The following SIAH2 variants were observed in gnomAD, a reference collection of about 807,000 sequenced individuals.
SIAH2 encodes E3 ubiquitin-protein ligase SIAH2.
Under a neutral mutation model 20.4 loss-of-function variants are expected in SIAH2, and 4 were observed. The observed-to-expected ratio is 0.20, with a 90% CI of 0.10 to 0.45. The LOEUF is 0.45. Ranked by LOEUF, SIAH2 falls within the 20% of genes least tolerant of loss-of-function variation. SIAH2 has a pLI of 0.99. For missense variants in SIAH2, 259 were observed against 440.3 expected (o/e 0.59, Z 3.69); for synonymous variants, 171 against 192.5 (o/e 0.89, Z 0.93).
In SIAH2 at chr3:150,747,554, A is replaced by C. The variant is rs138316583; in HGVS notation, c.418-4856T>G. Among the ~76,000 whole-genome samples the C allele has an allele frequency of 1.2e-3, 176 of 152,298 alleles. 1 individual carries two copies. The highest frequency in any genetic ancestry group is 4.0e-3 in the African/African-American group (167 of 41,544). On this transcript the variant is annotated intron_variant, in intron 1 of 1. Coordinates refer to ENST00000312960, the MANE Select transcript of SIAH2 (RefSeq NM_005067.7). ...CTATAAATGAGATTTCTCCTTAGGG[A>C]AATATCTGCTCATTTCCCCAGGGGG... is the stretch of plus-strand genomic sequence containing the variant.
At chr3:150,759,181 G>T (rs1386281780) in intron 1 of SIAH2, among the ~76,000 whole-genome samples, 1 of 152,140 alleles carries the variant, frequency 6.6e-6, no homozygotes, top group African/African-American at 2.4e-5. Context: ...CACACCCAAA[G>T]ATCTGAGCTA....
chr3:150,756,805 A>G (rs1714494864), intron 1 of SIAH2, among the ~76,000 whole-genome samples: 1 of 152,168 alleles, frequency 6.6e-6, no homozygotes, highest in African/African-American at 2.4e-5. Context: ...TGAGCCCCGG[A>G]GTTAATGTAT....
chr3:150,745,248 C>T (rs1417675844), intron 1 of SIAH2, among the ~76,000 whole-genome samples: 38 of 146,492 alleles, frequency 2.6e-4, no homozygotes, highest in African/African-American at 9.8e-4. Flanking sequence ...CCTACACACA[C>T]ACACACACAC....
chr3:150,751,901 C>G (rs1319925684), intron 1 of SIAH2, among the ~76,000 whole-genome samples: 2 of 152,122 alleles, frequency 1.3e-5, no homozygotes, highest in East Asian at 3.9e-4. Context: ...ACCCTGCTAT[C>G]AAGGGAGGGT....
intron 1 of SIAH2, among the ~76,000 whole-genome samples, chr3:150,756,024 A>G (rs541929341): frequency 7.9e-5 from 12 of 152,334 alleles, no homozygotes; most frequent in Non-Finnish European, 1.8e-4. Context: ...TATTCCATAG[A>G]TGCTACACAG....
intron 1 of SIAH2, among the ~76,000 whole-genome samples, chr3:150,744,014 A>C (rs1288020979): frequency 7.2e-6 from 1 of 138,750 alleles, no homozygotes; most frequent in Non-Finnish European, 1.6e-5. Context: ...TCCAGTTGCT[A>C]AAAAAAAAAA....
At chr3:150,759,549 A>T (rs529356969) in intron 1 of SIAH2, among the ~76,000 whole-genome samples, 1 of 152,300 alleles carries the variant, frequency 6.6e-6, no homozygotes, top group East Asian at 1.9e-4. Context: ...ATACACTCAG[A>T]TTCGAAATCC....
chr3:150,761,485 G>A (rs1359876522), intron 1 of SIAH2, among the ~76,000 whole-genome samples: 1 of 152,218 alleles, frequency 6.6e-6, no homozygotes, highest in Admixed American at 6.5e-5. Context: ...AGTTGCAGAT[G>A]CCATTTTTGG....
chr3:150,742,096 T>G lies in SIAH2; in HGVS notation c.*45A>C. On this transcript the variant is annotated 3_prime_UTR_variant, in exon 2 of 2. Coordinates refer to ENST00000312960, the MANE Select transcript of SIAH2 (RefSeq NM_005067.7). The surrounding 1 kb of genome is among the most constrained non-coding windows in gnomAD (Gnocchi z 4.8). ...CATCTATAAAAACCTTTATTAAACA[T>G]AGAGCACTATGCCCAAATAATTTTG... 1 of 1,524,816 alleles carries G rather than the reference T, an allele frequency of 6.6e-7. No individual in the cohort carries two copies. The highest frequency in any genetic ancestry group is 2.3e-5 in the East Asian group (1 of 44,214). The allele number at this position is 1,524,816 out of a possible 1,614,324, so 94.5% of individuals were successfully genotyped here.
chr3:150,763,066 G>T lies in SIAH2; in HGVS notation c.-217C>A. The T allele has an allele frequency of 3.1e-6, 1 of 321,088 alleles. No individual in the cohort carries two copies. The highest frequency in any genetic ancestry group is 4.7e-6 in the Non-Finnish European group (1 of 214,522). The allele number at this position is 321,088 out of a possible 1,614,324, so 19.9% of individuals were successfully genotyped here. ...GGCGTTCCGAGCACGCCTCCGCGTC[G>T]GACCCCGCGCGGTGCCCTCCTCCCG... On this transcript the variant is annotated 5_prime_UTR_variant, in exon 1 of 2. Coordinates refer to ENST00000312960, the MANE Select transcript of SIAH2 (RefSeq NM_005067.7). The surrounding 1 kb of genome is among the most constrained non-coding windows in gnomAD (Gnocchi z 4.1).
At chr3:150,751,324 T>C (rs1218305615) in intron 1 of SIAH2, among the ~76,000 whole-genome samples, 7 of 151,896 alleles carry the variant, frequency 4.6e-5, no homozygotes, top group Non-Finnish European at 8.8e-5. Context: ...GTCAGGAGGC[T>C]GAGGCAGGAG....
chr3:150,741,812 G>A lies in SIAH2; in HGVS notation c.*329C>T, dbSNP rs114000445. The A allele has an allele frequency of 1.6e-3, 343 of 209,520 alleles. 2 individuals carry two copies. The highest frequency in any genetic ancestry group is 7.8e-3 in the African/African-American group (337 of 43,394). 13.0% of individuals were successfully genotyped at this position (209,520 alleles called of 1,614,324 possible). A position where few individuals can be genotyped will look rare whatever the true frequency, so the allele number is the denominator to read the frequency against. On this transcript the variant is annotated 3_prime_UTR_variant, in exon 2 of 2. Coordinates refer to ENST00000312960, the MANE Select transcript of SIAH2 (RefSeq NM_005067.7). Reference sequence around the variant, plus strand: ...GTCAAGGGACCAATATGGGAAGGCAGGCAGGAAGGGGCCTCCCATTCCTAA... The same window carrying A: ...GTCAAGGGACCAATATGGGAAGGCAAGCAGGAAGGGGCCTCCCATTCCTAA...
At chr3:150,749,671 T>C (rs1209142977) in intron 1 of SIAH2, among the ~76,000 whole-genome samples, 1 of 152,218 alleles carries the variant, frequency 6.6e-6, no homozygotes, top group Non-Finnish European at 1.5e-5. Context: ...CATAACTACA[T>C]GTAAATGCAA....
intron 1 of SIAH2, among the ~76,000 whole-genome samples, chr3:150,755,425 G>C (rs895576451): frequency 6.8e-6 from 1 of 148,142 alleles, no homozygotes; most frequent in African/African-American, 2.5e-5. Context: ...GGACCTCCTG[G>C]GCTCAAGCGA....
chr3:150,755,182 C>T (rs1219416247), intron 1 of SIAH2, among the ~76,000 whole-genome samples: 2 of 152,048 alleles, frequency 1.3e-5, no homozygotes, highest in Non-Finnish European at 2.9e-5. Context: ...AGATGAGGGG[C>T]TGCCCTCAAA....
chr3:150,752,615 A>T (rs1008970556), intron 1 of SIAH2, among the ~76,000 whole-genome samples: 10 of 147,640 alleles, frequency 6.8e-5, no homozygotes, highest in Non-Finnish European at 1.4e-4. Context: ...TCTCAGTATT[A>T]AAAAAAAAAA....
rs1442091586 is a variant in SIAH2 at position 150,750,376 on chromosome 3, G to A, written c.418-7678C>T. ...TGAATAAATGTTAGATGTATCTGCC[G>A]AAGATGGAATGTTTTCCACCATGTT... On this transcript the variant is annotated intron_variant, in intron 1 of 1. Transcript: ENST00000312960. Among the ~76,000 whole-genome samples the A allele has an allele frequency of 5.3e-5, 8 of 152,144 alleles. No individual in the cohort carries two copies. In the East Asian group the frequency reaches 9.6e-4, roughly 18 times the overall value.
chr3:150,746,595 A>G (rs1371756248), intron 1 of SIAH2, among the ~76,000 whole-genome samples: 1 of 152,146 alleles, frequency 6.6e-6, no homozygotes, highest in Non-Finnish European at 1.5e-5. Context: ...AGATGCCAAT[A>G]GCAACCACCC....
At chr3:150,750,881 G>A (rs1714342184) in intron 1 of SIAH2, among the ~76,000 whole-genome samples, 1 of 152,196 alleles carries the variant, frequency 6.6e-6, no homozygotes, top group Admixed American at 6.5e-5. Flanking sequence ...GTGACCTGGA[G>A]CCTACCAAAT....
Sources: gnomAD v4.1 joint callset for allele counts (sites outside exome capture counted in the v4.1 genomes callset) on GRCh38, gnomAD v4.1.1 for gene constraint, Gnocchi (gnomAD v3.1) non-coding constraint, MANE v1.5 for transcripts, NCBI Gene and HGNC (gene_info 2026-07-23, HGNC 2026-07-21) for gene names.